NEDD4: variants seen among roughly 807,000 people sequenced by gnomAD.
NEDD4 encodes the protein NEDD4 E3 ubiquitin protein ligase.
In NEDD4, 99 loss-of-function variants were observed where a neutral mutation model predicts 144.9. The observed-to-expected ratio is 0.68, with a 90% CI of 0.58 to 0.81. The LOEUF (loss-of-function observed/expected upper bound fraction) is 0.81. Among genes scored for constraint, NEDD4 ranks in the 30% least tolerant of loss-of-function variants. The probability of loss-of-function intolerance (pLI) is 0.00; values close to 1 mark genes in which losing one functional copy is unlikely to be tolerated. For synonymous variants in NEDD4, 318 were observed against 350.6 expected (o/e 0.91, Z 1.04); for missense variants, 985 against 1,065.9 (o/e 0.92, Z 1.06).
intron 1 of NEDD4, among the ~76,000 whole-genome samples, chr15:55,975,392 C>T (rs893990303): frequency 6.6e-6 from 1 of 152,118 alleles, no homozygotes; most frequent in Non-Finnish European, 1.5e-5. Flanking sequence ...AGTAAAGTTG[C>T]AGGATACAAA....
rs2037235603 is a variant in NEDD4, at chr15:55,951,400, CTT to C, written c.211_212del (p.Lys71ValfsTer3). The C allele has an allele frequency of 9.8e-7, 1 of 1,023,876 alleles. No homozygotes were observed. The highest frequency in any genetic ancestry group is 1.4e-6 in the Non-Finnish European group (1 of 704,572). 63.4% of individuals were successfully genotyped at this position (1,023,876 alleles called of 1,614,324 possible). A position where few individuals can be genotyped will look rare whatever the true frequency, so the allele number is the denominator to read the frequency against. On this transcript the variant is annotated frameshift_variant, in exon 4 of 29. Transcript: ENST00000435532. LOFTEE classifies it high-confidence loss of function. The part of the protein sequence containing the change: ...TKTIKKSLNP[K>X]WNEEILFRVH... ...CTCTGAATAATATTTCTTCATTCCA[CTT>C]TGGATTCAAACTCTAAAAAATAATA...
chr15:55,833,828 T>TA (rs1271019739), intron 26 of NEDD4, among the ~76,000 whole-genome samples: 3 of 152,228 alleles, frequency 2.0e-5, no homozygotes, highest in Non-Finnish European at 4.4e-5. Flanking sequence ...TCATTCCACT[T>TA]ACTACCTTCT....
At chr15:55,921,157 T>C (rs2036561937) in intron 5 of NEDD4, among the ~76,000 whole-genome samples, 1 of 152,176 alleles carries the variant, frequency 6.6e-6, no homozygotes, top group Admixed American at 6.5e-5. Context: ...ATCCTCACAA[T>C]ATGCTTATGA....
intron 5 of NEDD4, among the ~76,000 whole-genome samples, chr15:55,881,068 G>A (rs1029106860): frequency 6.6e-6 from 1 of 151,638 alleles, no homozygotes; most frequent in Non-Finnish European, 1.5e-5. Context: ...ATGAGTTGAT[G>A]ATAATTTTTG....
chr15:55,832,650 A>G (rs2033009871), intron 27 of NEDD4, among the ~76,000 whole-genome samples: 1 of 152,088 alleles, frequency 6.6e-6, no homozygotes, highest in Non-Finnish European at 1.5e-5. Flanking sequence ...TCCTGACCTC[A>G]AGTGATCTGC....
intron 8 of NEDD4, among the ~76,000 whole-genome samples, chr15:55,867,989 GA>G (rs2034642942): frequency 6.6e-6 from 1 of 150,584 alleles, no homozygotes; most frequent in Non-Finnish European, 1.5e-5. Context: ...CCAGGAGGCA[GA>G]GGCTGCAGCG....
chr15:55,897,044 G>A (rs1217388474), intron 5 of NEDD4, among the ~76,000 whole-genome samples: 1 of 152,036 alleles, frequency 6.6e-6, no homozygotes, highest in African/African-American at 2.4e-5. Flanking sequence ...CACAATCTTG[G>A]CTCACTGCAA....
At chr15:55,938,546 G>C (rs1170284388) in intron 4 of NEDD4, among the ~76,000 whole-genome samples, 3 of 152,052 alleles carry the variant, frequency 2.0e-5, no homozygotes, top group Non-Finnish European at 4.4e-5. Flanking sequence ...CTTTGGTCTT[G>C]ACAATGACAA....
At chr15:55,956,867 T>G (rs2037346802) in intron 2 of NEDD4, among the ~76,000 whole-genome samples, 1 of 152,226 alleles carries the variant, frequency 6.6e-6, no homozygotes, top group African/African-American at 2.4e-5. Flanking sequence ...ATTGGGATTG[T>G]GCCAAATCTA....
chr15:55,970,207 G>T (rs1278902467), intron 1 of NEDD4, among the ~76,000 whole-genome samples: 1 of 152,094 alleles, frequency 6.6e-6, no homozygotes, highest in East Asian at 1.9e-4. Context: ...AGAATAAAAA[G>T]GACTTTGTCT....
chr15:55,836,790 A>C (rs774238615), intron 24 of NEDD4, among the ~76,000 whole-genome samples: 1 of 152,096 alleles, frequency 6.6e-6, no homozygotes, highest in Non-Finnish European at 1.5e-5. Context: ...GGACTCCCAA[A>C]GTGCTGGGAT....
At chr15:55,864,017 T>G (rs1482648600) in intron 8 of NEDD4, among the ~76,000 whole-genome samples, 1 of 152,160 alleles carries the variant, frequency 6.6e-6, no homozygotes, top group African/African-American at 2.4e-5. Context: ...TTTTAAAAAA[T>G]GCACTGAGAA....
In NEDD4 at chr15:55,896,852, G is replaced by T. The variant is rs115585694; in HGVS notation, c.292-22844C>A. On this transcript the variant is annotated intron_variant, in intron 5 of 28. Coordinates refer to ENST00000435532, the MANE Select transcript of NEDD4 (RefSeq NM_006154.4). ...TAGCCCAATGTGCCTTACCTTTATAGTTTTAACATAATTTATCTATTTAAG... is the reference window on the plus strand; with the variant it reads ...TAGCCCAATGTGCCTTACCTTTATATTTTTAACATAATTTATCTATTTAAG... Among the ~76,000 whole-genome samples, 987 of 151,896 alleles carry T rather than the reference G, an allele frequency of 6.5e-3. 13 individuals carry two copies. The highest frequency in any genetic ancestry group is 0.022 in the African/African-American group (899 of 41,470).
At chr15:55,944,522 G>C (rs934419145) in intron 4 of NEDD4, among the ~76,000 whole-genome samples, 7 of 152,200 alleles carry the variant, frequency 4.6e-5, no homozygotes, top group African/African-American at 1.7e-4. Flanking sequence ...AGCTCATCAA[G>C]GCCTACTGCC....
At chr15:55,830,264 G>A (rs1281916200) in intron 28 of NEDD4, among the ~76,000 whole-genome samples, 9 of 152,202 alleles carry the variant, frequency 5.9e-5, no homozygotes, top group Non-Finnish European at 1.2e-4. Context: ...GTTCTAGCCT[G>A]TCTTGGGACA....
At chr15:55,890,541 A>T (rs1415955796) in intron 5 of NEDD4, among the ~76,000 whole-genome samples, 7 of 152,206 alleles carry the variant, frequency 4.6e-5, no homozygotes, top group African/African-American at 1.7e-4. Flanking sequence ...TTGTTGTTAC[A>T]TTATATGGAT....
Position 55,966,557 on chromosome 15 carries a change from A to G in NEDD4, c.46-11T>C, listed in dbSNP as rs754991678. ...AATTCGTGAATTTTCCTAAAATACAAAAATTTAGATTTCATTTTCATGTAC... is the reference window on the plus strand; with the variant it reads ...AATTCGTGAATTTTCCTAAAATACAGAAATTTAGATTTCATTTTCATGTAC... On this transcript the variant is annotated splice_polypyrimidine_tract_variant and intron_variant, in intron 1 of 28. Coordinates refer to ENST00000435532, the MANE Select transcript of NEDD4 (RefSeq NM_006154.4). The G allele has an allele frequency of 1.3e-5, 20 of 1,489,456 alleles. No individual in the cohort carries two copies. The highest frequency in any genetic ancestry group is 1.7e-5 in the Non-Finnish European group (19 of 1,112,276). The allele number at this position is 1,489,456 out of a possible 1,614,324, so 92.3% of individuals were successfully genotyped here.
At chr15:55,928,096 G>A (rs1318303691) in intron 4 of NEDD4, among the ~76,000 whole-genome samples, 2 of 151,854 alleles carry the variant, frequency 1.3e-5, no homozygotes, top group East Asian at 1.9e-4. Context: ...TGCAACCTCC[G>A]TCTCCTGGGT....
intron 12 of NEDD4, among the ~76,000 whole-genome samples, chr15:55,855,313 T>G (rs551901360): frequency 4.6e-5 from 7 of 151,890 alleles, no homozygotes; most frequent in African/African-American, 1.7e-4. Context: ...GGGAAGAAAA[T>G]GAGAAAGCCA....
Sources: allele counts gnomAD v4.1 joint callset (sites outside exome capture counted in the v4.1 genomes callset), GRCh38; gene constraint gnomAD v4.1.1; transcripts MANE v1.5; gene names NCBI Gene and HGNC (gene_info 2026-07-23, HGNC 2026-07-21).